Variants in CGNL1 observed in about 807,000 individuals in gnomAD.
The protein encoded by CGNL1 is cingulin like 1.
CGNL1 carries 132 observed loss-of-function variants against 141.2 expected under a neutral mutation model. That is an observed-to-expected ratio of 0.93 (90% CI 0.81 to 1.08). The LOEUF is 1.08. Ranked by LOEUF, CGNL1 falls within the 50% of genes least tolerant of loss-of-function variation. CGNL1 has a pLI of 0.00. For missense variants in CGNL1, 1,870 were observed against 1,588.6 expected (o/e 1.18, Z -3.01); for synonymous variants, 690 against 622.1 (o/e 1.11, Z -1.63).
intron 17 of CGNL1, 25 bp downstream of exon 17, chr15:57,545,725 C>A: frequency 6.4e-7 from 1 of 1,574,756 alleles, no homozygotes. Context: ...CGTGCATTTG[C>A]TCTTAGATGA....
chr15:57,413,792 T>C (rs2062819501), intron 1 of CGNL1, among the ~76,000 whole-genome samples: 1 of 152,206 alleles, frequency 6.6e-6, no homozygotes. Flanking sequence ...TAGATTTTTG[T>C]GGGAGTTCTC....
At chr15:57,396,630 T>A (rs2440968) in intron 1 of CGNL1, among the ~76,000 whole-genome samples, 56 of 151,980 alleles carry the variant, frequency 3.7e-4, no homozygotes, top group African/African-American at 1.3e-3. Flanking sequence ...TGAGTACATT[T>A]CTAGGTCAGC....
intron 9 of CGNL1, 104 bp from the exon 10 acceptor site, chr15:57,518,289 C>G (rs757246053): frequency 2.1e-5 from 17 of 809,412 alleles, no homozygotes; most frequent in Admixed American, 1.3e-4. Context: ...ACCATAGCCA[C>G]TGCCATATCT....
At position 57,549,778 on chromosome 15, in the gene CGNL1, CTCTG is replaced by C. The variant is rs1262615446; in HGVS notation, c.*2295_*2298del. On this transcript the variant is annotated 3_prime_UTR_variant, in exon 19 of 19. Transcript: ENST00000281282. The stretch of plus-strand genomic sequence containing the variant: ...AGGTTGAGCACCTCTGTACTCAGCC[CTCTG>C]TCTGTCCTTCTGAGGACGCAACAAG... 2.6e-5 allele frequency: 4 copies of C among 152,172 alleles called. No homozygotes were observed. The highest frequency in any genetic ancestry group is 5.9e-5 in the Non-Finnish European group (4 of 68,040). The allele number at this position is 152,172 out of a possible 1,614,324, so 9.4% of individuals were successfully genotyped here.
At chr15:57,466,367 A>G (rs1442599113) in intron 8 of CGNL1, among the ~76,000 whole-genome samples, 1 of 152,206 alleles carries the variant, frequency 6.6e-6, no homozygotes, top group African/African-American at 2.4e-5. Flanking sequence ...AACCTTGTTC[A>G]CAGCCGTTGG....
Position 57,544,562 on chromosome 15 carries a change from C to G in CGNL1, c.3465C>G (p.Ile1155Met). Residue 1155 changes from isoleucine to methionine, a missense_variant, in exon 16 of 19, where the codon ATC becomes ATG. Coordinates refer to ENST00000281282, the MANE Select transcript of CGNL1 (RefSeq NM_032866.5). Reference protein sequence around the residue: ...EGLVVQMEARIAELEDRLESE... With the variant: ...EGLVVQMEARMAELEDRLESE... ...TGGTTGTGCAGATGGAGGCCAGGATCGCGGAGCTGGAGGACCGCCTGGAGA... is the reference window on the plus strand; with the variant it reads ...TGGTTGTGCAGATGGAGGCCAGGATGGCGGAGCTGGAGGACCGCCTGGAGA... 2 of 1,602,452 alleles carry G rather than the reference C, an allele frequency of 1.2e-6. No homozygotes were observed. Among genetic ancestry groups the G allele is most frequent in the Non-Finnish European group, 1.7e-6 (2 of 1,174,508 alleles).
intron 8 of CGNL1, among the ~76,000 whole-genome samples, chr15:57,501,355 C>T (rs894066001): frequency 3.0e-4 from 45 of 152,264 alleles, no homozygotes; most frequent in African/African-American, 7.2e-4. Flanking sequence ...AGCGGGAAGC[C>T]GAAGAGAATT....
chr15:57,482,723 C>T (rs1453527203), intron 8 of CGNL1, among the ~76,000 whole-genome samples: 1 of 151,992 alleles, frequency 6.6e-6, no homozygotes, highest in Non-Finnish European at 1.5e-5. Flanking sequence ...CTGAATCTTC[C>T]ACTTTATTCT....
At position 57,528,744 on chromosome 15, in the gene CGNL1, G is replaced by A; in HGVS notation, c.3130G>A (p.Asp1044Asn). The change falls in exon 13 of 19, where the codon GAC becomes AAC. Residue 1044 changes from aspartate (D) to asparagine (N), a missense_variant. Physicochemically the swap from Asp to Asn is conservative, Grantham distance 23 (BLOSUM62 1). Coordinates refer to ENST00000281282, the MANE Select transcript of CGNL1 (RefSeq NM_032866.5). ...KRQLLEQTLKDLEYELEAKSH... is the reference protein window; with the variant it reads ...KRQLLEQTLKNLEYELEAKSH... ...GCAGCTTCTGGAGCAGACGCTGAAG[G>A]ACCTGGAGTATGAGCTGGAAGCCAA... The A allele has an allele frequency of 6.2e-7, 1 of 1,614,186 alleles. No homozygotes were observed. Among genetic ancestry groups the A allele is most frequent in the Non-Finnish European group, 8.5e-7 (1 of 1,180,042 alleles).
Position 57,516,866 on chromosome 15 carries a change from G to A in CGNL1, c.2490G>A (p.Glu830=), listed in dbSNP as rs368037873. 280 of 1,614,060 alleles carry A rather than the reference G, an allele frequency of 1.7e-4. No homozygotes were observed. The highest frequency in any genetic ancestry group is 9.9e-4 in the Middle Eastern group (6 of 6,062). ...TEMRVKLLQE[E]NEKLQGRSEE... ...TGCGCGTGAAGCTTCTGCAGGAGGA[G>A]AATGAGAAGCTGCAGGGAAGAAGCG... The change falls in exon 9 of 19, where the codon GAG becomes GAA. Residue 830 remains glutamate, a synonymous_variant. Coordinates refer to ENST00000281282, the MANE Select transcript of CGNL1 (RefSeq NM_032866.5).
intron 7 of CGNL1, among the ~76,000 whole-genome samples, chr15:57,455,044 C>G (rs935319574): frequency 6.6e-5 from 10 of 152,070 alleles, no homozygotes; most frequent in African/African-American, 2.4e-4. Context: ...CATAATGTCC[C>G]TACAGTTTTG....
At chr15:57,439,654 G>T in intron 2 of CGNL1, 53 bp downstream of exon 2, 1 of 1,534,226 alleles carries the variant, frequency 6.5e-7, no homozygotes, top group Non-Finnish European at 8.9e-7. Context: ...TCTAAATAAT[G>T]TAATGATGTA....
chr15:57,382,693 C>G (rs915535351), intron 1 of CGNL1, among the ~76,000 whole-genome samples: 1 of 152,172 alleles, frequency 6.6e-6, no homozygotes, highest in Non-Finnish European at 1.5e-5. Context: ...GCATTCAAAA[C>G]AGGCCCTCTG....
chr15:57,459,674 C>T (rs1447527456), intron 7 of CGNL1, among the ~76,000 whole-genome samples: 6 of 152,016 alleles, frequency 3.9e-5, no homozygotes, highest in African/African-American at 1.5e-4. Context: ...AGGGCTTTAC[C>T]CAGGGAGGTG....
intron 14 of CGNL1, among the ~76,000 whole-genome samples, chr15:57,536,643 GAGTAA>G (rs2032275443): frequency 6.6e-6 from 1 of 152,204 alleles, no homozygotes; most frequent in African/African-American, 2.4e-5. Context: ...TTTAAATCCA[GAGTAA>G]TCCTTTTTCC....
In CGNL1 at chr15:57,524,764, C is replaced by G; in HGVS notation, c.3039+13C>G. ...AATGCAGGATGAGGTAATGCCTGGC[C>G]AGATAAGTTCTTCCTTTATCCCTTA... On this transcript the variant is annotated intron_variant, in intron 12 of 18. Coordinates refer to ENST00000281282, the MANE Select transcript of CGNL1 (RefSeq NM_032866.5). The G allele has an allele frequency of 6.2e-7, 1 of 1,612,792 alleles. No individual in the cohort carries two copies. The highest frequency in any genetic ancestry group is 8.5e-7 in the Non-Finnish European group (1 of 1,179,320).
chr15:57,545,988 T>A, intron 17 of CGNL1, 88 bp from the exon 18 acceptor site: 1 of 1,457,988 alleles, frequency 6.9e-7, no homozygotes, highest in East Asian at 2.3e-5. Context: ...CTTGGTTGCC[T>A]GGGGAGATGG....
intron 8 of CGNL1, among the ~76,000 whole-genome samples, chr15:57,500,884 A>G (rs751618371): frequency 2.1e-4 from 32 of 152,128 alleles, no homozygotes; most frequent in Middle Eastern, 3.2e-3. Context: ...AGTTGAAGGA[A>G]TTTTCTCACA....
chr15:57,471,032 GAAACTCAAGAGTT>G (rs2063575277), intron 8 of CGNL1, among the ~76,000 whole-genome samples: 1 of 152,184 alleles, frequency 6.6e-6, no homozygotes, highest in South Asian at 2.1e-4. Context: ...TTCTTTTAGT[GAAACTCAAGAGTT>G]AACAATTAGA....
Sources: allele counts gnomAD v4.1 joint callset (sites outside exome capture counted in the v4.1 genomes callset), GRCh38; gene constraint gnomAD v4.1.1; transcripts MANE v1.5; gene names NCBI Gene and HGNC (gene_info 2026-07-23, HGNC 2026-07-21).